The following GRIN2D variants were observed in gnomAD, a reference collection of about 807,000 sequenced individuals.
GRIN2D encodes glutamate ionotropic receptor NMDA type subunit 2D, also known as glutamate receptor ionotropic, NMDA 2D.
A neutral mutation model predicts 103.2 loss-of-function variants in GRIN2D; 37 were observed. The observed-to-expected ratio is 0.36, with a 90% confidence interval of 0.28 to 0.47. The LOEUF (loss-of-function observed/expected upper bound fraction) is 0.47, where lower values mean the gene tolerates loss of function less well. GRIN2D is among the 20% of genes least tolerant of loss of function. The pLI, the probability that GRIN2D is intolerant of heterozygous loss-of-function variation, is 1.00. For missense variants in GRIN2D, 1,557 were observed against 1,910.6 expected (o/e 0.81, Z 3.45); for synonymous variants, 845 against 885.6 (o/e 0.95, Z 0.81).
In GRIN2D at chr19:48,404,718, C is replaced by T; in HGVS notation, c.466-16C>T. The T allele has an allele frequency of 1.3e-6, 2 of 1,574,474 alleles. No homozygotes were observed. Among genetic ancestry groups the T allele is most frequent in the Non-Finnish European group, 8.6e-7 (1 of 1,158,920 alleles). ...CCCACATCGGCAGGCCTGACATCCT[C>T]CTCCCTCCCTGGCAGGAGAAGGGCT... On this transcript the variant is annotated splice_polypyrimidine_tract_variant and intron_variant, in intron 3 of 13. Transcript: ENST00000263269.
chr19:48,440,047 A>G (rs1450441845), intron 11 of GRIN2D, among the ~76,000 whole-genome samples: 1 of 152,150 alleles, frequency 6.6e-6, no homozygotes, highest in African/African-American at 2.4e-5. Context: ...CCCCATCTCT[A>G]CTAAAAATAC....
chr19:48,415,918 G>A, intron 7 of GRIN2D, 84 bp from the exon 8 acceptor site: 2 of 1,269,276 alleles, frequency 1.6e-6, no homozygotes, highest in Non-Finnish European at 2.3e-6. Flanking sequence ...GTCTGCTCCC[G>A]GGGCCCGTCT....
At chr19:48,440,710 G>A (rs1339933244) in intron 11 of GRIN2D, among the ~76,000 whole-genome samples, 1 of 118,378 alleles carries the variant, frequency 8.4e-6, no homozygotes, top group East Asian at 2.3e-4. Context: ...GTTTTGAGAT[G>A]GCATCTCTCT....
In GRIN2D at chr19:48,415,050, A is replaced by G; in HGVS notation, c.1581+18A>G. 2 of 1,557,636 alleles carry G rather than the reference A, an allele frequency of 1.3e-6. No homozygotes were observed. Among genetic ancestry groups the G allele is most frequent in the Non-Finnish European group, 1.7e-6 (2 of 1,145,564 alleles). On this transcript the variant is annotated intron_variant, in intron 7 of 13. Transcript: ENST00000263269. The stretch of plus-strand genomic sequence containing the variant: ...TCGGGGAGGTGAGGGGGCGGACGGG[A>G]GGCGGGGAATCTTCGGGGCGGAGTC...
At chr19:48,416,743 CTCT>C (rs1372268359) in intron 8 of GRIN2D, among the ~76,000 whole-genome samples, 46 of 112,314 alleles carry the variant, frequency 4.1e-4, no homozygotes, top group African/African-American at 1.5e-3. Context: ...CTCTCTCTCT[CTCT>C]TTTTTTTTTT....
At chr19:48,396,517 G>T (rs531010522) in intron 2 of GRIN2D, among the ~76,000 whole-genome samples, 1 of 151,866 alleles carries the variant, frequency 6.6e-6, no homozygotes, top group African/African-American at 2.4e-5. Context: ...TTAACCCCGC[G>T]GGGGCCAGGC....
intron 11 of GRIN2D, among the ~76,000 whole-genome samples, chr19:48,438,088 TTTCTC>T (rs1322243430): frequency 6.6e-5 from 10 of 152,090 alleles, no homozygotes; most frequent in Non-Finnish European, 1.0e-4. Context: ...ATTCAGTCCT[TTTCTC>T]TAATTTCCAC....
At chr19:48,440,986 G>C (rs1239705855) in intron 11 of GRIN2D, among the ~76,000 whole-genome samples, 4 of 152,200 alleles carry the variant, frequency 2.6e-5, no homozygotes, top group Admixed American at 2.6e-4. Context: ...ACCATGGCCA[G>C]TCTCAATCCT....
chr19:48,417,739 C>A (rs1055468869), intron 8 of GRIN2D, among the ~76,000 whole-genome samples: 1 of 152,154 alleles, frequency 6.6e-6, no homozygotes, highest in Non-Finnish European at 1.5e-5. Context: ...AGGTGACAGG[C>A]GTGTCCCCAG....
rs1203107833 is a variant in GRIN2D at position 48,444,013 on chromosome 19, C to G, written c.*76C>G. On this transcript the variant is annotated 3_prime_UTR_variant, in exon 14 of 14. Transcript: ENST00000263269. The surrounding 1 kb of genome is among the most constrained non-coding windows in gnomAD (Gnocchi z 5.5). ...GAGGGGGCGCCCGCAGTGGACAGGA[C>G]CCGCGTGGGTTGGGAAGGAAAGCAG... The G allele has an allele frequency of 2.0e-6, 2 of 980,762 alleles. No individual in the cohort carries two copies. The highest frequency in any genetic ancestry group is 3.3e-5 in the East Asian group (1 of 30,332). 60.8% of individuals were successfully genotyped at this position (980,762 alleles called of 1,614,324 possible).
chr19:48,402,985 G>A (rs1970737210), intron 3 of GRIN2D, among the ~76,000 whole-genome samples: 1 of 151,984 alleles, frequency 6.6e-6, no homozygotes, highest in South Asian at 2.1e-4. Flanking sequence ...GATCACTTGA[G>A]TTCAGAAGTT....
chr19:48,430,546 C>G (rs1465244471), intron 11 of GRIN2D, among the ~76,000 whole-genome samples: 1 of 152,180 alleles, frequency 6.6e-6, no homozygotes, highest in Non-Finnish European at 1.5e-5. Context: ...AACTCCTGAG[C>G]TCAAGGGATC....
At position 48,414,408 on chromosome 19, in the gene GRIN2D, G is replaced by A; in HGVS notation, c.1236G>A (p.Lys412=). 1 of 1,610,008 alleles carries A rather than the reference G, an allele frequency of 6.2e-7. No homozygotes were observed. Among genetic ancestry groups the A allele is most frequent in the Non-Finnish European group, 8.5e-7 (1 of 1,178,594 alleles). Residue 412 remains lysine, a synonymous_variant, in exon 6 of 14, where the codon AAG becomes AAA. Coordinates refer to ENST00000263269, the MANE Select transcript of GRIN2D (RefSeq NM_000836.4). The surrounding 1 kb of genome is among the most constrained non-coding windows in gnomAD (Gnocchi z 4.6). The stretch of plus-strand genomic sequence containing the variant: ...GGGAGCAGCAGACGCTCCGCCTCAA[G>A]TACCCGCTGTGGTCCCGCTATGGTC... ...GSWEQQTLRL[K]YPLWSRYGRF...
intron 2 of GRIN2D, among the ~76,000 whole-genome samples, chr19:48,396,714 G>A (rs553465775): frequency 6.6e-6 from 1 of 152,148 alleles, no homozygotes; most frequent in East Asian, 1.9e-4. Flanking sequence ...GGGAAGGTGA[G>A]GTGGTGGGCA....
At chr19:48,439,199 G>T (rs1971264258) in intron 11 of GRIN2D, among the ~76,000 whole-genome samples, 2 of 149,994 alleles carry the variant, frequency 1.3e-5, no homozygotes, top group Admixed American at 1.3e-4. Flanking sequence ...GACCAGCCTG[G>T]GAAACAGAGT....
At chr19:48,417,791 G>A (rs558699183) in intron 8 of GRIN2D, among the ~76,000 whole-genome samples, 73 of 152,278 alleles carry the variant, frequency 4.8e-4, no homozygotes, top group Non-Finnish European at 9.7e-4. Context: ...TGCTGTGACG[G>A]GGGCAGTCCT....
chr19:48,435,241 C>T (rs897919101), intron 11 of GRIN2D, among the ~76,000 whole-genome samples: 2 of 151,226 alleles, frequency 1.3e-5, no homozygotes, highest in African/African-American at 2.4e-5. Context: ...AAAAAGCTGC[C>T]GTCTTCCTCT....
At chr19:48,426,354 T>C (rs1281266590) in intron 11 of GRIN2D, among the ~76,000 whole-genome samples, 1 of 150,114 alleles carries the variant, frequency 6.7e-6, no homozygotes, top group African/African-American at 2.5e-5. Context: ...GCCTCCCAAG[T>C]TGCTGGAATT....
At chr19:48,412,421 A>AAAAGAAAAAGAAAG (rs1555892636) in intron 4 of GRIN2D, among the ~76,000 whole-genome samples, 2 of 123,330 alleles carry the variant, frequency 1.6e-5, no homozygotes, top group African/African-American at 3.1e-5. Context: ...AAAGAGAAAG[A>AAAAGAAAAAGAAAG]AAAGAAAGAA....
Sources: allele counts gnomAD v4.1 joint callset (sites outside exome capture counted in the v4.1 genomes callset), GRCh38; gene constraint gnomAD v4.1.1; non-coding constraint Gnocchi (gnomAD v3.1); transcripts MANE v1.5; gene names NCBI Gene and HGNC (gene_info 2026-07-23, HGNC 2026-07-21).